The following CHEK2 variants were observed in gnomAD, a reference collection of about 807,000 sequenced individuals.
CHEK2 encodes the protein checkpoint kinase 2.
In CHEK2, 71 loss-of-function variants were observed where a neutral mutation model predicts 69.1. The observed-to-expected ratio is 1.03, with a 90% CI of 0.85 to 1.25. The LOEUF (loss-of-function observed/expected upper bound fraction) is 1.25, where lower values mean the gene tolerates loss of function less well. CHEK2 is among the 50% of genes most tolerant of loss of function. The pLI, the probability that CHEK2 is intolerant of heterozygous loss-of-function variation, is 0.00. For missense variants in CHEK2, 664 were observed against 649.6 expected, an observed-to-expected ratio of 1.02 and a Z score of -0.24; for synonymous variants, 189 against 226.9, an observed-to-expected ratio of 0.83 and a Z score of 1.50.
chr22:28,740,111 G>A (rs1226613837), intron 1 of CHEK2, among the ~76,000 whole-genome samples: 2 of 152,120 alleles, frequency 1.3e-5, no homozygotes, highest in Non-Finnish European at 2.9e-5. Context: ...TGAGGCAGGC[G>A]AATCGCTTGA....
chr22:28,705,868 G>A (rs1325541168), intron 7 of CHEK2, among the ~76,000 whole-genome samples: 1 of 152,046 alleles, frequency 6.6e-6, no homozygotes, highest in Non-Finnish European at 1.5e-5. Context: ...GCTTGAACCC[G>A]GGAGGCAGAG....
intron 4 of CHEK2, 30 bp downstream of exon 4, chr22:28,724,947 A>C (rs768997076): frequency 6.2e-7 from 1 of 1,612,750 alleles, no homozygotes; most frequent in Admixed American, 1.7e-5. Context: ...GAAAAAAAAA[A>C]TTCCAGTAAC....
intron 2 of CHEK2, among the ~76,000 whole-genome samples, chr22:28,727,783 C>A (rs1459078781): frequency 6.6e-6 from 1 of 152,126 alleles, no homozygotes; most frequent in Non-Finnish European, 1.5e-5. Flanking sequence ...TAAGAAAATT[C>A]AGAAATCAAA....
In CHEK2 at chr22:28,710,005, C is replaced by G. The variant is rs864622149; in HGVS notation, c.846+1G>C. 1.4e-6 allele frequency: 2 copies of G among 1,475,108 alleles called. No homozygotes were observed. Among genetic ancestry groups the G allele is most frequent in the Admixed American group, 1.7e-5 (1 of 59,566 alleles). The allele number at this position is 1,475,108 out of a possible 1,614,324, so 91.4% of individuals were successfully genotyped here. A position where few individuals can be genotyped will look rare whatever the true frequency, so the allele number is the denominator to read the frequency against. On this transcript the variant is annotated splice_donor_variant, in intron 7 of 14. Transcript: ENST00000404276. LOFTEE classifies it high-confidence loss of function. ...AGTATGAGTCATATAATAATACTTACATGATTTAGCTTTTTCAAAATTTCT... is the reference window on the plus strand; with the variant it reads ...AGTATGAGTCATATAATAATACTTAGATGATTTAGCTTTTTCAAAATTTCT...
At chr22:28,728,566 G>C (rs1252826846) in intron 2 of CHEK2, among the ~76,000 whole-genome samples, 1 of 152,140 alleles carries the variant, frequency 6.6e-6, no homozygotes, top group Non-Finnish European at 1.5e-5. Flanking sequence ...GCCAGGTGTG[G>C]TGGCGCGCCC....
intron 5 of CHEK2, among the ~76,000 whole-genome samples, chr22:28,716,210 T>G (rs1345161167): frequency 2.7e-5 from 4 of 150,848 alleles, no homozygotes; most frequent in Non-Finnish European, 5.9e-5. Context: ...TTTTTTTTTT[T>G]TTTTGAGACA....
At chr22:28,713,481 C>T (rs533313649) in intron 5 of CHEK2, among the ~76,000 whole-genome samples, 13 of 150,762 alleles carry the variant, frequency 8.6e-5, no homozygotes, top group East Asian at 2.0e-4. Context: ...CTCAGCCTCC[C>T]GAGTAGCTGG....
rs1456691189 is a variant in CHEK2 at position 28,734,422 on chromosome 22, C to A, written c.300G>T (p.Gln100His). 6.2e-7 allele frequency: 1 copy of A among 1,613,948 alleles called. No homozygotes were observed. The highest frequency in any genetic ancestry group is 1.7e-5 in the Admixed American group (1 of 59,992). The change falls in exon 2 of 15, where the codon CAG becomes CAT. Residue 100 changes from glutamine (Q) to histidine (H), a missense_variant. Coordinates refer to ENST00000404276, the MANE Select transcript of CHEK2 (RefSeq NM_007194.4). ...TCTTACCAAGATTGGCAAATCCATC[C>A]TGAAGGGCCCATAATCGAGCCCAGG... ...PAPWARLWAL[Q>H]DGFANLECVN...
intron 13 of CHEK2, among the ~76,000 whole-genome samples, chr22:28,692,584 A>T (rs1321997112): frequency 2.5e-4 from 38 of 152,198 alleles, no homozygotes; most frequent in Admixed American, 2.4e-3. Context: ...GTCTTCCCAG[A>T]GTCCCAGAAG....
chr22:28,739,614 G>A (rs1275337501), intron 1 of CHEK2, among the ~76,000 whole-genome samples: 7 of 151,926 alleles, frequency 4.6e-5, no homozygotes, highest in Non-Finnish European at 7.4e-5. Flanking sequence ...TCTTGAACCC[G>A]GGAGGCAGAG....
chr22:28,715,903 T>C (rs115645846), intron 5 of CHEK2, among the ~76,000 whole-genome samples: 1 of 151,744 alleles, frequency 6.6e-6, no homozygotes, highest in African/African-American at 2.4e-5. Flanking sequence ...TCTCACTCTA[T>C]CGCCCAGGCT....
At chr22:28,705,147 C>T (rs1353700025) in intron 7 of CHEK2, among the ~76,000 whole-genome samples, 2 of 149,366 alleles carry the variant, frequency 1.3e-5, no homozygotes, top group African/African-American at 2.5e-5. Flanking sequence ...GGCGAGATCT[C>T]GGCTCACTGC....
intron 4 of CHEK2, 41 bp from the exon 5 acceptor site, chr22:28,719,526 TCA>T: frequency 8.6e-7 from 1 of 1,165,104 alleles, no homozygotes; most frequent in Non-Finnish European, 1.3e-6. Context: ...ATTAATTTAT[TCA>T]CAAGAGGCGA....
intron 4 of CHEK2, among the ~76,000 whole-genome samples, chr22:28,722,736 C>G (rs985742977): frequency 6.6e-6 from 1 of 151,972 alleles, no homozygotes; most frequent in Non-Finnish European, 1.5e-5. Context: ...GATGGGGTCT[C>G]ACCATGTTGC....
chr22:28,722,568 A>AAGAAT (rs2053837463), intron 4 of CHEK2, among the ~76,000 whole-genome samples: 1 of 151,612 alleles, frequency 6.6e-6, no homozygotes, highest in Non-Finnish European at 1.5e-5. Context: ...AAGAAAAGAA[A>AAGAAT]AGAAAAGAAA....
chr22:28,730,372 A>C (rs1295360360), intron 2 of CHEK2: 1 of 524,778 alleles, frequency 1.9e-6, no homozygotes, highest in African/African-American at 1.9e-5. Context: ...AGGAAAAGGA[A>C]AAGGGAAAGA....
chr22:28,695,226 G>A lies in CHEK2; in HGVS notation c.1276C>T (p.Pro426Ser), dbSNP rs1555913523. The A allele has an allele frequency of 6.2e-7, 1 of 1,606,182 alleles. No individual in the cohort carries two copies. Among genetic ancestry groups the A allele is most frequent in the Non-Finnish European group, 8.5e-7 (1 of 1,172,912 alleles). ...ILFICLSGYP[P>S]FSEHRTQVSL... ...ACTTGAGTCCTATGCTCAGAGAAAG[G>A]TGGATACCCACTAAGGCTTAATATT... Residue 426 changes from proline to serine, a missense_variant, in exon 12 of 15, where the codon CCT becomes TCT. Transcript: ENST00000404276.
At chr22:28,730,097 C>T (rs1042089139) in intron 2 of CHEK2, among the ~76,000 whole-genome samples, 4 of 150,342 alleles carry the variant, frequency 2.7e-5, no homozygotes, top group African/African-American at 9.8e-5. Context: ...CCCACCTCAG[C>T]CTCCCAAAGT....
Position 28,719,396 on chromosome 22 carries a change from T to C in CHEK2, c.682A>G (p.Ser228Gly), listed in dbSNP as rs745475247. The C allele has an allele frequency of 1.3e-6, 2 of 1,555,252 alleles. No homozygotes were observed. The highest frequency in any genetic ancestry group is 1.2e-5 in the South Asian group (1 of 86,142). ...CATTTATATAAGAAAATAATTTACC[T>C]TCCAAGAGTTTTTGACATGATGTAT... ...DEYIMSKTLG[S>G]GACGEVKLAF... Residue 228 changes from serine (S) to glycine (G), a missense_variant and splice_region_variant, in exon 5 of 15, where the codon AGT becomes GGT. Transcript: ENST00000404276.
Sources: gnomAD v4.1 joint callset for allele counts (sites outside exome capture counted in the v4.1 genomes callset) on GRCh38, gnomAD v4.1.1 for gene constraint, MANE v1.5 for transcripts, NCBI Gene and HGNC (gene_info 2026-07-23, HGNC 2026-07-21) for gene names.